SRGAP3: variants seen among roughly 807,000 people sequenced by gnomAD.
SRGAP3 encodes SLIT-ROBO Rho GTPase-activating protein 3.
Under a neutral mutation model 121.1 loss-of-function variants are expected in SRGAP3, and 39 were observed. The observed-to-expected ratio is 0.32, with a 90% CI of 0.25 to 0.42. The LOEUF (loss-of-function observed/expected upper bound fraction) is 0.42. SRGAP3 is among the 10% of genes least tolerant of loss of function. The pLI is 1.00. For synonymous variants in SRGAP3, 601 were observed against 570.0 expected (o/e 1.05, Z -0.77); for missense variants, 1,213 against 1,470.6 (o/e 0.82, Z 2.86).
At chr3:9,125,339 A>G (rs1560207653) in intron 1 of SRGAP3, among the ~76,000 whole-genome samples, 1 of 152,252 alleles carries the variant, frequency 6.6e-6, no homozygotes, top group Admixed American at 6.5e-5. Context: ...AAATAATTCA[A>G]TGAAAACAAA....
chr3:9,203,620 T>C lies in SRGAP3; in HGVS notation c.67+45265A>G, dbSNP rs965644211. ...GCAGCTGCTACCCTCTAAATTGCAA[T>C]TGTCTGCTTTTTGTCTTTCCCTTAT... is the stretch of plus-strand genomic sequence containing the variant. On this transcript the variant is annotated intron_variant, in intron 1 of 21. Transcript: ENST00000383836. Among the ~76,000 whole-genome samples, 8 of 151,830 alleles carry C rather than the reference T, an allele frequency of 5.3e-5. No homozygotes were observed. In the East Asian group the frequency reaches 7.7e-4, roughly 15 times the overall value.
At chr3:9,187,536 T>C (rs1420828389) in intron 1 of SRGAP3, among the ~76,000 whole-genome samples, 1 of 152,162 alleles carries the variant, frequency 6.6e-6, no homozygotes, top group Admixed American at 6.5e-5. Flanking sequence ...TACCCAGCCC[T>C]GGGCCTCTTC....
At chr3:9,308,963 C>T (rs1955200266) in intron 3 of SRGAP3, among the ~76,000 whole-genome samples, 6 of 152,192 alleles carry the variant, frequency 3.9e-5, no homozygotes, top group Admixed American at 2.6e-4. Context: ...TATTCACATC[C>T]TCATATGTCG....
chr3:9,263,985 A>T (rs1050994875), intron 3 of SRGAP3, among the ~76,000 whole-genome samples: 7 of 152,234 alleles, frequency 4.6e-5, no homozygotes, highest in Non-Finnish European at 8.8e-5. Context: ...AATATTGGCA[A>T]ACCGAATCCA....
intron 18 of SRGAP3, among the ~76,000 whole-genome samples, chr3:8,998,792 T>C (rs1395221751): frequency 6.6e-6 from 1 of 152,128 alleles, no homozygotes; most frequent in Non-Finnish European, 1.5e-5. Flanking sequence ...GTACCAGGTG[T>C]TCTACTTACA....
intron 1 of SRGAP3, among the ~76,000 whole-genome samples, chr3:9,135,904 T>TC (rs1949627451): frequency 6.6e-6 from 1 of 152,134 alleles, no homozygotes; most frequent in Admixed American, 6.5e-5. Context: ...AATAATACCT[T>TC]CCCCCCTGGG....
chr3:9,073,519 T>C (rs1432488870), intron 4 of SRGAP3, among the ~76,000 whole-genome samples: 1 of 152,218 alleles, frequency 6.6e-6, no homozygotes, highest in Non-Finnish European at 1.5e-5. Flanking sequence ...GCTTAAGCAC[T>C]CGGAGTCTGG....
intron 1 of SRGAP3, among the ~76,000 whole-genome samples, chr3:9,360,649 C>T (rs933742709): frequency 7.2e-5 from 11 of 152,186 alleles, no homozygotes; most frequent in Non-Finnish European, 1.3e-4. Flanking sequence ...GCACTTCTTA[C>T]ATGGCGGCAG....
At chr3:9,173,867 C>A (rs1951075466) in intron 1 of SRGAP3, among the ~76,000 whole-genome samples, 1 of 152,234 alleles carries the variant, frequency 6.6e-6, no homozygotes, top group Non-Finnish European at 1.5e-5. Context: ...ACATTACCCC[C>A]AGAGCATGGG....
chr3:9,299,831 G>A (rs1209478304), intron 3 of SRGAP3, among the ~76,000 whole-genome samples: 1 of 152,090 alleles, frequency 6.6e-6, no homozygotes, highest in Non-Finnish European at 1.5e-5. Flanking sequence ...ATTGAACCTG[G>A]GAGGCGGAGG....
At chr3:9,015,783 G>A (rs1329853567) in intron 14 of SRGAP3, 52 bp from the exon 15 acceptor site, 3 of 1,610,444 alleles carry the variant, frequency 1.9e-6, no homozygotes, top group South Asian at 2.2e-5. Flanking sequence ...AGGAGTCAGA[G>A]AACGTGCAGA....
rs1941570620 is a variant in SRGAP3 at position 8,984,371 on chromosome 3, T to A, written c.*1148A>T. Reference sequence around the variant, plus strand: ...ACAGCCTGATTTAAAATGAAAACGATGTGACTCAAAGCCTCCTTGCCTGTT... The same window carrying A: ...ACAGCCTGATTTAAAATGAAAACGAAGTGACTCAAAGCCTCCTTGCCTGTT... On this transcript the variant is annotated 3_prime_UTR_variant, in exon 22 of 22. Coordinates refer to ENST00000383836, the MANE Select transcript of SRGAP3 (RefSeq NM_014850.4). 4.3e-6 allele frequency: 1 copy of A among 230,696 alleles called. No homozygotes were observed. Among genetic ancestry groups the A allele is most frequent in the Non-Finnish European group, 8.6e-6 (1 of 116,540 alleles). 14.3% of individuals were successfully genotyped at this position (230,696 alleles called of 1,614,324 possible).
At chr3:9,024,970 C>T (rs420797) in intron 14 of SRGAP3, among the ~76,000 whole-genome samples, 1 of 151,990 alleles carries the variant, frequency 6.6e-6, no homozygotes, top group African/African-American at 2.4e-5. Flanking sequence ...GGTGGTGGTG[C>T]TGGTGCTGGT....
At chr3:9,063,565 C>A (rs556479418) in intron 5 of SRGAP3, among the ~76,000 whole-genome samples, 20 of 152,076 alleles carry the variant, frequency 1.3e-4, no homozygotes, top group Non-Finnish European at 2.5e-4. Context: ...TCTCGAACTC[C>A]TGGGCTCAAA....
At chr3:9,088,800 C>T (rs1282972668) in intron 3 of SRGAP3, among the ~76,000 whole-genome samples, 2 of 152,108 alleles carry the variant, frequency 1.3e-5, no homozygotes, top group South Asian at 2.1e-4. Context: ...TGATTTTCAG[C>T]GTCTCTGGTA....
In SRGAP3 at chr3:8,993,042, A is replaced by G. The variant is rs1290688348; in HGVS notation, c.2422T>C (p.Ser808Pro). 6.2e-7 allele frequency: 1 copy of G among 1,614,126 alleles called. No homozygotes were observed. Among genetic ancestry groups the G allele is most frequent in the Admixed American group, 1.7e-5 (1 of 60,028 alleles). The change falls in exon 20 of 22, where the codon TCC (serine) becomes CCC (proline). Residue 808 changes from serine to proline, a missense_variant. This residue lies in a region of SRGAP3 where 420 missense variants were observed against 437.7 expected (regional missense o/e 0.96). Transcript: ENST00000383836. ...IVVQDMDDAF[S>P]DSLSQKADSE... is the part of the protein sequence containing the mutation. The stretch of plus-strand genomic sequence containing the variant: ...TCAGCCTTCTGGCTCAGGCTGTCGG[A>G]GAAGGCATCATCCCTGGGGAGAAGA...
intron 1 of SRGAP3, among the ~76,000 whole-genome samples, chr3:9,156,136 C>T (rs2125066088): frequency 6.6e-6 from 1 of 152,266 alleles, no homozygotes; most frequent in South Asian, 2.1e-4. Flanking sequence ...TTTCTTCAGC[C>T]CCTGCAGGAT....
At chr3:9,252,314 A>G (rs796297345), upstream of SRGAP3, among the ~76,000 whole-genome samples, 12 of 152,182 alleles carry the variant, frequency 7.9e-5, no homozygotes, top group African/African-American at 2.9e-4. Context: ...TTTTTTCTCA[A>G]GATGGGGGTC....
chr3:9,075,578 A>C (rs574105431), intron 4 of SRGAP3, among the ~76,000 whole-genome samples: 140 of 152,302 alleles, frequency 9.2e-4, no homozygotes, highest in African/African-American at 3.3e-3. Context: ...CTAGCCCCAG[A>C]TAGAGACAAG....
Sources: gnomAD v4.1 joint callset for allele counts (sites outside exome capture counted in the v4.1 genomes callset) on GRCh38, gnomAD v4.1.1 for gene constraint, gnomAD v4.1.1 regional missense constraint, MANE v1.5 for transcripts, NCBI Gene and HGNC (gene_info 2026-07-23, HGNC 2026-07-21) for gene names.